KLHL29: variants seen among roughly 807,000 people sequenced by gnomAD.
The protein encoded by KLHL29 is kelch like family member 29, also known as kelch-like protein 29.
In KLHL29, 21 loss-of-function variants were observed where a neutral mutation model predicts 80.4. The observed-to-expected ratio is 0.26, with a 90% CI of 0.19 to 0.38. KLHL29 has a LOEUF of 0.38. KLHL29 is among the 10% of genes least tolerant of loss of function. The pLI, the probability that KLHL29 is intolerant of heterozygous loss-of-function variation, is 1.00. For synonymous variants in KLHL29, 511 were observed against 526.8 expected, an observed-to-expected ratio of 0.97 and a Z score of 0.41; for missense variants, 867 against 1,223.9, an observed-to-expected ratio of 0.71 and a Z score of 4.35.
At position 23,684,110 on chromosome 2, in the gene KLHL29, T is replaced by A. The variant is rs1480171997; in HGVS notation, c.941-289T>A. 6.6e-6 allele frequency among the ~76,000 whole-genome samples: 1 copy of A among 152,194 alleles called. No homozygotes were observed. Among genetic ancestry groups the A allele is most frequent in the Non-Finnish European group, 1.5e-5 (1 of 68,036 alleles). Reference sequence around the variant, plus strand: ...GTTTCCAATCGTCAGTATGGGAATCTCTCCCCCAACCTTTCAATTTCTGGG... The same window carrying A: ...GTTTCCAATCGTCAGTATGGGAATCACTCCCCCAACCTTTCAATTTCTGGG... On this transcript the variant is annotated intron_variant, in intron 5 of 13. Coordinates refer to ENST00000486442, the MANE Select transcript of KLHL29 (RefSeq NM_052920.2). This position sits in a 1 kb window ranked among gnomAD's most constrained non-coding sequence, Gnocchi z 4.4.
intron 2 of KLHL29, among the ~76,000 whole-genome samples, chr2:23,558,599 T>C (rs141450095): frequency 0.011 from 1,634 of 152,252 alleles, 23 homozygotes; most frequent in South Asian, 0.048. Context: ...AAATGGGGTT[T>C]CACCATGTAG....
intron 1 of KLHL29, among the ~76,000 whole-genome samples, chr2:23,430,109 T>G (rs986463194): frequency 6.6e-6 from 1 of 152,098 alleles, no homozygotes; most frequent in Non-Finnish European, 1.5e-5. Context: ...CTTCCACCAG[T>G]GCAGTGGTTA....
At chr2:23,452,077 T>C (rs1663895685) in intron 1 of KLHL29, among the ~76,000 whole-genome samples, 1 of 151,914 alleles carries the variant, frequency 6.6e-6, no homozygotes, top group African/African-American at 2.4e-5. Context: ...AGTGGTGCGA[T>C]CACATCTCAT....
At chr2:23,633,810 A>T (rs1669536705) in intron 3 of KLHL29, among the ~76,000 whole-genome samples, 7 of 144,894 alleles carry the variant, frequency 4.8e-5, no homozygotes, top group Admixed American at 4.8e-4. Context: ...GACTAAGTGG[A>T]AGCTCCGTGC....
intron 2 of KLHL29, among the ~76,000 whole-genome samples, chr2:23,524,715 C>T (rs1666244580): frequency 6.6e-6 from 1 of 152,224 alleles, no homozygotes; most frequent in African/African-American, 2.4e-5. Context: ...GCATGTGTCC[C>T]TCCCAAGAGT....
intron 11 of KLHL29, among the ~76,000 whole-genome samples, chr2:23,698,851 A>ACAAG (rs1320190103): frequency 1.3e-5 from 2 of 152,178 alleles, no homozygotes; most frequent in African/African-American, 4.8e-5. Context: ...ACCTGGAATA[A>ACAAG]CAAGCTCTCA....
At chr2:23,572,802 A>G (rs988332794) in intron 3 of KLHL29, among the ~76,000 whole-genome samples, 1 of 150,540 alleles carries the variant, frequency 6.6e-6, no homozygotes, top group East Asian at 2.0e-4. Context: ...CCGGGTTCAC[A>G]CCATTCTTCT....
At chr2:23,525,990 G>A (rs1292135062) in intron 2 of KLHL29, among the ~76,000 whole-genome samples, 2 of 152,198 alleles carry the variant, frequency 1.3e-5, no homozygotes, top group Non-Finnish European at 2.9e-5. Context: ...CCTGACATCC[G>A]TGGACCTGCA....
chr2:23,411,851 C>T (rs919348331), intron 1 of KLHL29, among the ~76,000 whole-genome samples: 2 of 151,962 alleles, frequency 1.3e-5, no homozygotes, highest in African/African-American at 2.4e-5. Flanking sequence ...TTGCATGGGC[C>T]CAGTCTAATA....
intron 1 of KLHL29, among the ~76,000 whole-genome samples, chr2:23,396,269 G>C (rs936312486): frequency 3.3e-5 from 5 of 152,160 alleles, no homozygotes; most frequent in African/African-American, 1.2e-4. Context: ...CTCCCCAGTC[G>C]GTCTCCCTGA....
At chr2:23,473,964 G>A (rs1375072015) in intron 1 of KLHL29, among the ~76,000 whole-genome samples, 1 of 152,084 alleles carries the variant, frequency 6.6e-6, no homozygotes. Flanking sequence ...CTTGAAGTGT[G>A]TGCTCAAATG....
chr2:23,415,560 A>G (rs1382154933), intron 1 of KLHL29, among the ~76,000 whole-genome samples: 1 of 152,354 alleles, frequency 6.6e-6, no homozygotes, highest in African/African-American at 2.4e-5. Context: ...CTTTAGTGCC[A>G]GACAGGCTGG....
chr2:23,612,847 C>T (rs1332141965), intron 3 of KLHL29, among the ~76,000 whole-genome samples: 1 of 151,556 alleles, frequency 6.6e-6, no homozygotes, highest in Non-Finnish European at 1.5e-5. Flanking sequence ...TTTCAGGAAG[C>T]AATGAAAAGC....
chr2:23,450,537 A>G (rs992054811), intron 1 of KLHL29, among the ~76,000 whole-genome samples: 1 of 152,056 alleles, frequency 6.6e-6, no homozygotes, highest in Non-Finnish European at 1.5e-5. Context: ...CTTCAGCCCT[A>G]GAGATTCAAT....
At chr2:23,706,323 T>C (rs144409219) in intron 13 of KLHL29, among the ~76,000 whole-genome samples, 158 bp from the exon 14 acceptor site, 78 of 151,842 alleles carry the variant, frequency 5.1e-4, no homozygotes, top group Non-Finnish European at 7.9e-4. Flanking sequence ...GTTTTTCTTA[T>C]GCCAGCCCAG....
chr2:23,533,316 A>G (rs112284471), intron 2 of KLHL29, among the ~76,000 whole-genome samples: 131 of 152,270 alleles, frequency 8.6e-4, no homozygotes, highest in Non-Finnish European at 1.5e-3. Context: ...CATCCAGGGA[A>G]GTATTTTTCT....
At chr2:23,587,181 A>C (rs1206377567) in intron 3 of KLHL29, among the ~76,000 whole-genome samples, 1 of 151,744 alleles carries the variant, frequency 6.6e-6, no homozygotes, top group Non-Finnish European at 1.5e-5. Flanking sequence ...AGACGCTCTT[A>C]ACCAAGGAAG....
chr2:23,552,120 G>A (rs907332655), intron 2 of KLHL29, among the ~76,000 whole-genome samples: 1 of 152,234 alleles, frequency 6.6e-6, no homozygotes, highest in African/African-American at 2.4e-5. Context: ...CCACAGTGCT[G>A]TTAATCACGG....
At chr2:23,443,112 A>G (rs1203175859) in intron 1 of KLHL29, among the ~76,000 whole-genome samples, 1 of 152,166 alleles carries the variant, frequency 6.6e-6, no homozygotes, top group African/African-American at 2.4e-5. Flanking sequence ...AGTTTAAAGA[A>G]TAGTACAGGG....
Sources: allele counts gnomAD v4.1 joint callset (sites outside exome capture counted in the v4.1 genomes callset), GRCh38; gene constraint gnomAD v4.1.1; non-coding constraint Gnocchi (gnomAD v3.1); transcripts MANE v1.5; gene names NCBI Gene and HGNC (gene_info 2026-07-23, HGNC 2026-07-21).